The following KLHL1 variants were observed in gnomAD, a reference collection of about 807,000 sequenced individuals.
KLHL1 encodes kelch like family member 1.
Under a neutral mutation model 77.7 loss-of-function variants are expected in KLHL1, and 47 were observed. The observed-to-expected ratio is 0.60, with a 90% CI of 0.48 to 0.77. The LOEUF (loss-of-function observed/expected upper bound fraction) is 0.77, where lower values mean the gene tolerates loss of function less well. Ranked by LOEUF, KLHL1 falls within the 30% of genes least tolerant of loss-of-function variation. The pLI is 0.00. For missense variants in KLHL1, 925 were observed against 910.8 expected, an observed-to-expected ratio of 1.02 and a Z score of -0.20; for synonymous variants, 360 against 325.2, an observed-to-expected ratio of 1.11 and a Z score of -1.15.
At chr13:70,081,373 T>C (rs1213631374) in intron 1 of KLHL1, among the ~76,000 whole-genome samples, 2 of 152,226 alleles carry the variant, frequency 1.3e-5, no homozygotes, top group Non-Finnish European at 2.9e-5. Flanking sequence ...ATTACACTGC[T>C]GCAATCAAGA....
At chr13:69,716,580 G>A (rs1489107865) in intron 9 of KLHL1, among the ~76,000 whole-genome samples, 2 of 152,106 alleles carry the variant, frequency 1.3e-5, no homozygotes, top group Non-Finnish European at 1.5e-5. Context: ...TGGTATAGAA[G>A]GTTCCTATTA....
intron 1 of KLHL1, among the ~76,000 whole-genome samples, chr13:70,047,865 A>G (rs1244131222): frequency 6.6e-6 from 1 of 152,198 alleles, no homozygotes; most frequent in African/African-American, 2.4e-5. Context: ...CACTACATAT[A>G]AAGGGGGAAG....
chr13:70,075,860 G>A (rs2137424179), intron 1 of KLHL1, among the ~76,000 whole-genome samples: 1 of 149,294 alleles, frequency 6.7e-6, no homozygotes, highest in East Asian at 2.0e-4. Flanking sequence ...GTGAACAATT[G>A]TAATTATAAA....
At chr13:69,752,322 C>T (rs1019691633) in intron 7 of KLHL1, among the ~76,000 whole-genome samples, 6 of 149,770 alleles carry the variant, frequency 4.0e-5, no homozygotes, top group African/African-American at 1.5e-4. Context: ...TCTGAGGACT[C>T]TATCTATGTT....
intron 8 of KLHL1, among the ~76,000 whole-genome samples, chr13:69,731,957 ATACTT>A (rs1160900647): frequency 5.9e-5 from 9 of 152,176 alleles, no homozygotes; most frequent in Non-Finnish European, 1.3e-4. Flanking sequence ...CTAAAAACAT[ATACTT>A]TAAAGACTTT....
At chr13:69,997,924 C>G (rs866989972) in intron 1 of KLHL1, among the ~76,000 whole-genome samples, 1 of 151,568 alleles carries the variant, frequency 6.6e-6, no homozygotes. Flanking sequence ...TAGGAGTGCA[C>G]GTGTCTCTTC....
At chr13:69,975,948 C>A in intron 1 of KLHL1, 146 bp from the exon 2 acceptor site, 3 of 1,045,576 alleles carry the variant, frequency 2.9e-6, no homozygotes, top group South Asian at 2.4e-5. Context: ...AATACAACTT[C>A]AATAAATAAA....
chr13:69,920,179 T>C (rs1361213691), intron 4 of KLHL1, among the ~76,000 whole-genome samples: 1 of 152,144 alleles, frequency 6.6e-6, no homozygotes, highest in African/African-American at 2.4e-5. Context: ...AAGAGTTTTT[T>C]TTAAAGAGTT....
chr13:69,916,977 A>G (rs1882466113), intron 4 of KLHL1, among the ~76,000 whole-genome samples: 1 of 152,096 alleles, frequency 6.6e-6, no homozygotes, highest in Admixed American at 6.5e-5. Context: ...AGTAAAGTAT[A>G]AGAAAAAATA....
intron 8 of KLHL1, among the ~76,000 whole-genome samples, chr13:69,725,061 C>T (rs1412605499): frequency 6.6e-6 from 1 of 152,086 alleles, no homozygotes; most frequent in South Asian, 2.1e-4. Context: ...AAACTCTAAT[C>T]CTTTAAAGAG....
At chr13:70,076,626 A>T (rs1270483830) in intron 1 of KLHL1, among the ~76,000 whole-genome samples, 6 of 151,966 alleles carry the variant, frequency 3.9e-5, no homozygotes, top group Non-Finnish European at 8.8e-5. Flanking sequence ...ACAAAAAAAA[A>T]CAAAACAAAA....
At position 69,701,774 on chromosome 13, in the gene KLHL1, A is replaced by T. The variant is rs1475462533; in HGVS notation, c.2188-13T>A. On this transcript the variant is annotated splice_polypyrimidine_tract_variant and intron_variant, in intron 10 of 10. Coordinates refer to ENST00000377844, the MANE Select transcript of KLHL1 (RefSeq NM_020866.3). Reference sequence around the variant, plus strand: ...TCAAGGAAGCCATCTGTTAAAAAAGATGAAACACAACTTAAGACAAGTTTT... The same window carrying T: ...TCAAGGAAGCCATCTGTTAAAAAAGTTGAAACACAACTTAAGACAAGTTTT... 1.3e-6 allele frequency: 2 copies of T among 1,592,682 alleles called. No individual in the cohort carries two copies.
intron 6 of KLHL1, among the ~76,000 whole-genome samples, chr13:69,825,190 T>C (rs1878497258): frequency 6.6e-6 from 1 of 152,118 alleles, no homozygotes; most frequent in South Asian, 2.1e-4. Flanking sequence ...AAACAGCTTT[T>C]TTCTACATAA....
At chr13:69,813,500 A>G (rs1877986060) in intron 6 of KLHL1, among the ~76,000 whole-genome samples, 1 of 151,170 alleles carries the variant, frequency 6.6e-6, no homozygotes, top group Admixed American at 6.6e-5. Context: ...ACACACACAC[A>G]CACATATATA....
chr13:69,824,658 T>A lies in KLHL1; in HGVS notation c.1414+14318A>T, dbSNP rs547529930. Among the ~76,000 whole-genome samples the A allele has an allele frequency of 2.6e-5, 4 of 152,122 alleles. No homozygotes were observed. The East Asian group carries it at 7.7e-4, about 29-fold the overall frequency. The stretch of plus-strand genomic sequence containing the variant: ...AAATCTTAGATAAAAGACTACAAAA[T>A]GTGTGATTTCCATTTATGTGAAGTC... On this transcript the variant is annotated intron_variant, in intron 6 of 10. Transcript: ENST00000377844.
intron 1 of KLHL1, among the ~76,000 whole-genome samples, chr13:70,010,655 C>G (rs1399987084): frequency 6.6e-6 from 1 of 151,850 alleles, no homozygotes; most frequent in East Asian, 1.9e-4. Flanking sequence ...ACTTGGGAGG[C>G]CAATGTGGTT....
chr13:69,915,639 C>A (rs967834566), intron 4 of KLHL1, among the ~76,000 whole-genome samples: 51 of 151,954 alleles, frequency 3.4e-4, no homozygotes, highest in Non-Finnish European at 4.1e-4. Flanking sequence ...CCATAAAAAC[C>A]CTAGAAGAAA....
intron 1 of KLHL1, among the ~76,000 whole-genome samples, chr13:69,982,684 C>A (rs570372240): frequency 6.6e-6 from 1 of 151,640 alleles, no homozygotes; most frequent in Admixed American, 6.6e-5. Context: ...CATGGATTAG[C>A]TGAATGGATA....
chr13:69,953,502 T>C (rs900935985), intron 3 of KLHL1, among the ~76,000 whole-genome samples: 1 of 151,206 alleles, frequency 6.6e-6, no homozygotes, highest in Non-Finnish European at 1.5e-5. Flanking sequence ...TTACATCTTA[T>C]AATAATTTTG....
Sources: gnomAD v4.1 joint callset for allele counts (sites outside exome capture counted in the v4.1 genomes callset) on GRCh38, gnomAD v4.1.1 for gene constraint, MANE v1.5 for transcripts, NCBI Gene and HGNC (gene_info 2026-07-23, HGNC 2026-07-21) for gene names.